Variants in DGKB observed in about 807,000 individuals in gnomAD.
DGKB encodes the protein 90 kDa diacylglycerol kinase.
Under a neutral mutation model 114.3 loss-of-function variants are expected in DGKB, and 67 were observed. The ratio of observed to expected loss-of-function variants is 0.59; its 90% CI spans 0.48 to 0.72. The LOEUF (loss-of-function observed/expected upper bound fraction) is 0.72. DGKB is among the 30% of genes least tolerant of loss of function. The pLI is 0.00. For synonymous variants in DGKB, 398 were observed against 323.1 expected (o/e 1.23, Z -2.49); for missense variants, 907 against 975.2 (o/e 0.93, Z 0.93).
At chr7:14,485,068 A>G (rs1378615309) in intron 20 of DGKB, among the ~76,000 whole-genome samples, 2 of 148,070 alleles carry the variant, frequency 1.4e-5, no homozygotes, top group South Asian at 2.2e-4. Context: ...ATGGGGAAAA[A>G]TGATAATTAC....
intron 23 of DGKB, among the ~76,000 whole-genome samples, chr7:14,276,540 C>G (rs1799021692): frequency 6.6e-6 from 1 of 151,962 alleles, no homozygotes; most frequent in Admixed American, 6.6e-5. Context: ...CATCACTATT[C>G]TACATTTTTG....
chr7:14,172,728 T>G (rs535490858), intron 25 of DGKB, among the ~76,000 whole-genome samples: 1 of 152,194 alleles, frequency 6.6e-6, no homozygotes, highest in South Asian at 2.1e-4. Flanking sequence ...CACTTCTCAC[T>G]TAAACTTTAC....
intron 1 of DGKB, among the ~76,000 whole-genome samples, chr7:14,956,240 A>C (rs1260560501): frequency 6.6e-6 from 1 of 151,916 alleles, no homozygotes; most frequent in Non-Finnish European, 1.5e-5. Flanking sequence ...ACATTTTGAT[A>C]ATTTCAAATG....
chr7:14,387,716 C>T (rs1471837918), intron 21 of DGKB, among the ~76,000 whole-genome samples: 1 of 152,014 alleles, frequency 6.6e-6, no homozygotes, highest in East Asian at 1.9e-4. Context: ...CATGCCTAGC[C>T]TCATGTAAGT....
chr7:14,599,419 A>T (rs1803153212), intron 17 of DGKB, among the ~76,000 whole-genome samples: 1 of 152,078 alleles, frequency 6.6e-6, no homozygotes, highest in African/African-American at 2.4e-5. Flanking sequence ...TGTTTCCCAA[A>T]CTTACACAAT....
intron 2 of DGKB, among the ~76,000 whole-genome samples, chr7:14,794,317 G>T (rs1841099090): frequency 6.6e-6 from 1 of 152,076 alleles, no homozygotes; most frequent in Non-Finnish European, 1.5e-5. Context: ...GGAGTAAAGG[G>T]AGCACTGATA....
intron 23 of DGKB, among the ~76,000 whole-genome samples, chr7:14,211,147 G>C (rs1488468944): frequency 6.6e-6 from 1 of 152,014 alleles, no homozygotes; most frequent in African/African-American, 2.4e-5. Flanking sequence ...CATTTCATGA[G>C]ACTGTATCAT....
At chr7:14,944,791 T>C (rs1785777454) in intron 1 of DGKB, among the ~76,000 whole-genome samples, 1 of 146,332 alleles carries the variant, frequency 6.8e-6, no homozygotes, top group Non-Finnish European at 1.5e-5. Flanking sequence ...CTATCAAAAA[T>C]GTCAATAATG....
intron 21 of DGKB, among the ~76,000 whole-genome samples, chr7:14,473,105 T>G (rs1371467622): frequency 2.0e-5 from 3 of 152,008 alleles, no homozygotes; most frequent in Non-Finnish European, 4.4e-5. Flanking sequence ...TGGGGGAAAA[T>G]GTCTCCAGGG....
At chr7:14,878,895 A>G (rs1319532188) in intron 1 of DGKB, among the ~76,000 whole-genome samples, 4 of 151,982 alleles carry the variant, frequency 2.6e-5, no homozygotes, top group Admixed American at 2.6e-4. Flanking sequence ...GTTTTAGCAT[A>G]TAGGCTATAG....
chr7:14,367,612 C>T (rs940042261), intron 21 of DGKB, among the ~76,000 whole-genome samples: 5 of 151,800 alleles, frequency 3.3e-5, no homozygotes, highest in South Asian at 2.1e-4. Context: ...GGCTAAGCTA[C>T]GATGCTTATA....
At chr7:14,167,672 C>A (rs1784807282) in intron 25 of DGKB, among the ~76,000 whole-genome samples, 1 of 152,112 alleles carries the variant, frequency 6.6e-6, no homozygotes, top group African/African-American at 2.4e-5. Flanking sequence ...AGTTTTCAGA[C>A]AGGCATATGG....
chr7:14,507,895 T>G (rs887332002), intron 20 of DGKB, among the ~76,000 whole-genome samples: 2 of 152,192 alleles, frequency 1.3e-5, no homozygotes, highest in African/African-American at 4.8e-5. Flanking sequence ...CATCCTAAGC[T>G]TATAGTACAT....
At chr7:14,225,293 T>C (rs538150568) in intron 23 of DGKB, among the ~76,000 whole-genome samples, 11 of 152,156 alleles carry the variant, frequency 7.2e-5, no homozygotes, top group Non-Finnish European at 1.2e-4. Context: ...ACTCTAACTT[T>C]AGTTGCTGAG....
At chr7:14,612,981 G>T (rs7781565) in intron 16 of DGKB, among the ~76,000 whole-genome samples, 2 of 151,800 alleles carry the variant, frequency 1.3e-5, no homozygotes, top group Non-Finnish European at 2.9e-5. Flanking sequence ...GTATAAATTC[G>T]GTTCCTCAGT....
At chr7:14,860,003 G>A (rs143786371) in intron 1 of DGKB, among the ~76,000 whole-genome samples, 30 of 152,088 alleles carry the variant, frequency 2.0e-4, no homozygotes, top group African/African-American at 6.7e-4. Flanking sequence ...GCAATTTGAT[G>A]ATACCTACTT....
chr7:14,962,618 C>CTGTGTG (rs369017205), intron 1 of DGKB, among the ~76,000 whole-genome samples: 2 of 140,456 alleles, frequency 1.4e-5, no homozygotes, highest in Non-Finnish European at 1.5e-5. Flanking sequence ...ATAGCTATAG[C>CTGTGTG]TGTGTGTGTG....
At chr7:14,880,651 A>C (rs1854080152) in intron 1 of DGKB, among the ~76,000 whole-genome samples, 1 of 152,178 alleles carries the variant, frequency 6.6e-6, no homozygotes, top group Admixed American at 6.5e-5. Flanking sequence ...GCTGAGATAC[A>C]ATAATGTATA....
intron 23 of DGKB, among the ~76,000 whole-genome samples, chr7:14,189,005 C>T (rs537478915): frequency 2.8e-4 from 43 of 152,162 alleles, no homozygotes; most frequent in African/African-American, 1.0e-3. Context: ...GAATTCATTA[C>T]CATAAAGTTG....
Sources: allele counts gnomAD v4.1 joint callset (sites outside exome capture counted in the v4.1 genomes callset), GRCh38; gene constraint gnomAD v4.1.1; transcripts MANE v1.5; gene names NCBI Gene and HGNC (gene_info 2026-07-23, HGNC 2026-07-21).